CHN2: variants seen among roughly 807,000 people sequenced by gnomAD.
CHN2 encodes the protein chimerin 2, also known as beta-chimaerin.
In CHN2, 35 loss-of-function variants were observed where a neutral mutation model predicts 56.3. The observed-to-expected ratio is 0.62, with a 90% CI of 0.47 to 0.82. The LOEUF (loss-of-function observed/expected upper bound fraction) is 0.82. CHN2 is among the 40% of genes least tolerant of loss of function. The probability of loss-of-function intolerance (pLI) is 0.00; values close to 1 mark genes in which losing one functional copy is unlikely to be tolerated. For missense variants in CHN2, 491 were observed against 580.5 expected, an observed-to-expected ratio of 0.85 and a Z score of 1.58; for synonymous variants, 210 against 212.8, an observed-to-expected ratio of 0.99 and a Z score of 0.12.
At chr7:29,445,036 G>T (rs1783929796) in intron 6 of CHN2, 2 of 437,402 alleles carry the variant, frequency 4.6e-6, no homozygotes, top group African/African-American at 2.0e-5. Flanking sequence ...AGAGACAGAG[G>T]CTACGCAAAA....
chr7:29,370,047 G>T (rs1022561667), intron 3 of CHN2, among the ~76,000 whole-genome samples: 2 of 152,204 alleles, frequency 1.3e-5, no homozygotes, highest in Admixed American at 6.5e-5. Flanking sequence ...AGCCAGGCAG[G>T]TGTCAGATAG....
At chr7:29,303,581 C>A in intron 1 of CHN2, among the ~76,000 whole-genome samples, 1 of 152,162 alleles carries the variant, frequency 6.6e-6, no homozygotes, top group South Asian at 2.1e-4. Context: ...AGGGACTCCC[C>A]GGTGTCTAAT....
chr7:29,289,731 A>T (rs1792438452), intron 1 of CHN2, among the ~76,000 whole-genome samples: 1 of 152,220 alleles, frequency 6.6e-6, no homozygotes, highest in Non-Finnish European at 1.5e-5. Context: ...AAAAGTCAAT[A>T]GGGTGTTGAC....
chr7:29,195,625 A>AGG (rs1197819580), intron 1 of CHN2, among the ~76,000 whole-genome samples: 21 of 116,056 alleles, frequency 1.8e-4, no homozygotes, highest in African/African-American at 7.9e-4. Flanking sequence ...AGAGAGAGAG[A>AGG]GAGAGTGTGT....
chr7:29,413,761 C>G (rs1032128450), intron 6 of CHN2, among the ~76,000 whole-genome samples: 1 of 152,190 alleles, frequency 6.6e-6, no homozygotes, highest in Non-Finnish European at 1.5e-5. Flanking sequence ...GCTGTACTTT[C>G]CACTGGACCA....
chr7:29,355,591 C>T (rs976392295), intron 2 of CHN2, among the ~76,000 whole-genome samples: 4 of 151,782 alleles, frequency 2.6e-5, no homozygotes, highest in African/African-American at 9.7e-5. Flanking sequence ...GTAGGAGGAG[C>T]CCACTGTGTC....
chr7:29,444,334 G>A (rs1783882035), intron 6 of CHN2, among the ~76,000 whole-genome samples: 1 of 152,178 alleles, frequency 6.6e-6, no homozygotes, highest in Non-Finnish European at 1.5e-5. Flanking sequence ...ACACCAAGAA[G>A]CATTTGCCGA....
intron 1 of CHN2, among the ~76,000 whole-genome samples, chr7:29,257,458 G>A (rs947371555): frequency 2.6e-5 from 4 of 152,114 alleles, no homozygotes; most frequent in Non-Finnish European, 5.9e-5. Flanking sequence ...CAACTGTTCT[G>A]ACTGCTCCCT....
chr7:29,316,562 A>G (rs1013327050), intron 1 of CHN2, among the ~76,000 whole-genome samples: 5 of 152,184 alleles, frequency 3.3e-5, no homozygotes, highest in African/African-American at 1.2e-4. Context: ...AGGGAATGTA[A>G]TTATCCAAAA....
intron 2 of CHN2, among the ~76,000 whole-genome samples, chr7:29,176,844 T>C (rs245912): frequency 0.59 from 90,012 of 152,084 alleles, 28,170 homozygotes; most frequent in East Asian, 0.79. Flanking sequence ...AGCAACCTCT[T>C]GCTCTTTCAT....
chr7:29,480,618 C>T lies in CHN2; in HGVS notation c.654+262C>T, dbSNP rs540662758. Among the ~76,000 whole-genome samples the T allele has an allele frequency of 1.2e-4, 19 of 152,360 alleles. No homozygotes were observed. The South Asian group carries it at 3.9e-3, about 32-fold the overall frequency. On this transcript the variant is annotated intron_variant, in intron 7 of 12. Coordinates refer to ENST00000222792, the MANE Select transcript of CHN2 (RefSeq NM_004067.4). Reference sequence around the variant, plus strand: ...TGGAGAATTGGGCCCATTGCCACTTCACGTTCCCATGTCCAGTGAAATAAA... The same window carrying T: ...TGGAGAATTGGGCCCATTGCCACTTTACGTTCCCATGTCCAGTGAAATAAA...
intron 6 of CHN2, among the ~76,000 whole-genome samples, chr7:29,448,244 T>C (rs1185740800): frequency 6.6e-6 from 1 of 151,708 alleles, no homozygotes; most frequent in African/African-American, 2.4e-5. Flanking sequence ...TCTTTCCTTA[T>C]TTTTGAAACT....
intron 1 of CHN2, among the ~76,000 whole-genome samples, chr7:29,258,953 A>G (rs1459331906): frequency 1.3e-5 from 2 of 152,114 alleles, no homozygotes; most frequent in Non-Finnish European, 2.9e-5. Context: ...TGTAAACACC[A>G]AATGTCCAGC....
chr7:29,246,580 A>G (rs1299440403), intron 1 of CHN2, among the ~76,000 whole-genome samples: 2 of 152,172 alleles, frequency 1.3e-5, no homozygotes, highest in Non-Finnish European at 2.9e-5. Flanking sequence ...TCAAAGGTAA[A>G]CAAGGCACAT....
At chr7:29,422,449 G>T (rs986519550) in intron 6 of CHN2, among the ~76,000 whole-genome samples, 2 of 152,144 alleles carry the variant, frequency 1.3e-5, no homozygotes, top group African/African-American at 2.4e-5. Context: ...CATGATCAAG[G>T]TCAAATTTTA....
intron 1 of CHN2, among the ~76,000 whole-genome samples, chr7:29,243,431 T>G (rs1033144835): frequency 6.6e-6 from 1 of 152,064 alleles, no homozygotes; most frequent in South Asian, 2.1e-4. Context: ...CTGCATGCAC[T>G]TTTTTTTCCA....
chr7:29,487,476 T>C (rs904448050), intron 7 of CHN2, among the ~76,000 whole-genome samples: 1 of 152,142 alleles, frequency 6.6e-6, no homozygotes, highest in Non-Finnish European at 1.5e-5. Flanking sequence ...ATTATAATGA[T>C]TACAAAGTCC....
intron 8 of CHN2, among the ~76,000 whole-genome samples, chr7:29,497,104 T>C (rs892629177): frequency 2.0e-5 from 3 of 152,192 alleles, no homozygotes; most frequent in African/African-American, 7.2e-5. Context: ...TGTTGATACC[T>C]GGATGGTTCA....
At chr7:29,177,849 T>C (rs1474903901) in intron 2 of CHN2, among the ~76,000 whole-genome samples, 2 of 152,016 alleles carry the variant, frequency 1.3e-5, no homozygotes, top group African/African-American at 4.8e-5. Flanking sequence ...CCCAGACCTC[T>C]CTCCAAACCT....
Sources: allele counts gnomAD v4.1 joint callset (sites outside exome capture counted in the v4.1 genomes callset), GRCh38; gene constraint gnomAD v4.1.1; transcripts MANE v1.5; gene names NCBI Gene and HGNC (gene_info 2026-07-23, HGNC 2026-07-21).